The following ITPR1 variants were observed in gnomAD, a reference collection of about 807,000 sequenced individuals.
ITPR1 encodes inositol 1,4,5-trisphosphate receptor type 1.
A neutral mutation model predicts 318.4 loss-of-function variants in ITPR1; 96 were observed. That is an observed-to-expected ratio of 0.30 (90% confidence interval 0.26 to 0.36). ITPR1 has a LOEUF of 0.36. Ranked by LOEUF, ITPR1 falls within the 10% of genes least tolerant of loss-of-function variation. The pLI is 1.00. For missense variants in ITPR1, 2,440 were observed against 3,460.2 expected, an observed-to-expected ratio of 0.71 and a Z score of 7.40; for synonymous variants, 1,312 against 1,289.9, an observed-to-expected ratio of 1.02 and a Z score of -0.37.
intron 60 of ITPR1, among the ~76,000 whole-genome samples, chr3:4,818,530 A>G (rs986816454): frequency 6.6e-5 from 10 of 152,212 alleles, no homozygotes; most frequent in African/African-American, 2.4e-4. Flanking sequence ...AATCTGGATC[A>G]AACTCCATAG....
chr3:4,742,926 A>G (rs978989746), intron 44 of ITPR1, among the ~76,000 whole-genome samples: 1 of 152,228 alleles, frequency 6.6e-6, no homozygotes. Context: ...AATTGACCCA[A>G]GTCCTTCTGA....
At chr3:4,583,105 A>G (rs996234442) in intron 4 of ITPR1, among the ~76,000 whole-genome samples, 11 of 152,202 alleles carry the variant, frequency 7.2e-5, no homozygotes, top group African/African-American at 2.7e-4. Context: ...AAATCAAGCC[A>G]TTTCTCCTAT....
chr3:4,599,968 C>T (rs1222439526), intron 4 of ITPR1, among the ~76,000 whole-genome samples: 1 of 152,138 alleles, frequency 6.6e-6, no homozygotes, highest in East Asian at 1.9e-4. Flanking sequence ...ATTGGTTGTC[C>T]CTACTCCCTC....
At position 4,757,564 on chromosome 3, in the gene ITPR1, G is replaced by C. The variant is rs551214321; in HGVS notation, c.5545-8966G>C. Among the ~76,000 whole-genome samples, 7 of 152,256 alleles carry C rather than the reference G, an allele frequency of 4.6e-5. No homozygotes were observed. The East Asian group carries it at 1.4e-3, about 29-fold the overall frequency. ...GAGGTGTTTAACAGAGCATGTGGTT[G>C]GGAACAGGGCTGAGGCGTCGGACAG... On this transcript the variant is annotated intron_variant, in intron 44 of 61. Transcript: ENST00000649015.
intron 31 of ITPR1, 36 bp from the exon 32 acceptor site, chr3:4,691,108 C>G (rs768206660): frequency 2.7e-6 from 4 of 1,467,942 alleles, no homozygotes; most frequent in African/African-American, 1.4e-5. Context: ...AGCTTTTTGA[C>G]TTGTCCCTGT....
At chr3:4,789,389 C>T (rs2047407652) in intron 52 of ITPR1, among the ~76,000 whole-genome samples, 1 of 152,316 alleles carries the variant, frequency 6.6e-6, no homozygotes, top group African/African-American at 2.4e-5. Flanking sequence ...CTCCAGGATC[C>T]TCATGAACAT....
At chr3:4,601,181 T>TTG (rs1559515266) in intron 4 of ITPR1, among the ~76,000 whole-genome samples, 1 of 148,674 alleles carries the variant, frequency 6.7e-6, no homozygotes, top group Admixed American at 6.7e-5. Context: ...TATTCTTTTT[T>TTG]TTTTTTTTTT....
rs928926740 is a variant in ITPR1 at position 4,656,177 on chromosome 3, C to T, written c.997-1947C>T. Among the ~76,000 whole-genome samples the T allele has an allele frequency of 3.9e-5, 6 of 152,150 alleles. No individual in the cohort carries two copies. The East Asian group carries it at 9.6e-4, about 24-fold the overall frequency. On this transcript the variant is annotated intron_variant, in intron 12 of 61. Transcript: ENST00000649015. ...TTTCTTTCCACTAGGTGGCAAGCGC[C>T]GACTGCACAATGAAAGGATGTCAGG...
intron 60 of ITPR1, among the ~76,000 whole-genome samples, chr3:4,830,435 T>A (rs983851842): frequency 7.9e-5 from 12 of 152,188 alleles, no homozygotes; most frequent in Admixed American, 1.3e-4. Context: ...GACTAATTTT[T>A]TTTTCTTCCT....
chr3:4,723,416 G>C (rs1409502184), intron 40 of ITPR1, among the ~76,000 whole-genome samples: 1 of 152,206 alleles, frequency 6.6e-6, no homozygotes, highest in East Asian at 1.9e-4. Flanking sequence ...AAACGGCTTC[G>C]TAAAATTTTC....
intron 42 of ITPR1, among the ~76,000 whole-genome samples, chr3:4,732,392 A>G (rs58824241): frequency 6.6e-6 from 1 of 151,894 alleles, no homozygotes; most frequent in Non-Finnish European, 1.5e-5. Flanking sequence ...GCTCATGCCC[A>G]CTCTTGTCTC....
intron 6 of ITPR1, among the ~76,000 whole-genome samples, chr3:4,640,034 C>T (rs2093301698): frequency 6.6e-6 from 1 of 152,170 alleles, no homozygotes. Flanking sequence ...CCAGGAAAAG[C>T]TAAACAGGTT....
intron 35 of ITPR1, among the ~76,000 whole-genome samples, chr3:4,701,676 G>T (rs2094655534): frequency 6.6e-6 from 1 of 152,086 alleles, no homozygotes; most frequent in South Asian, 2.1e-4. Context: ...TTTTCTTTTG[G>T]ATAATTTCTT....
In ITPR1 at chr3:4,702,899, C is replaced by A. The variant is rs890283768; in HGVS notation, c.4606C>A (p.Pro1536Thr). 3 of 1,613,912 alleles carry A rather than the reference C, an allele frequency of 1.9e-6. No individual in the cohort carries two copies. The highest frequency in any genetic ancestry group is 4.5e-5 in the East Asian group (2 of 44,888). Residue 1536 changes from proline (P) to threonine (T), a missense_variant, in exon 36 of 62, where the codon CCA (proline) becomes ACA (threonine). Physicochemically the swap from Pro to Thr is conservative, Grantham distance 38. Coordinates refer to ENST00000649015, the MANE Select transcript of ITPR1 (RefSeq NM_001378452.1). ...FRVYHCNWLM[P>T]SQKASVESCI... ...GGTTTACCACTGCAACTGGTTAATGCCAAGCCAAAAAGCCTCCGTGGAGAG... is the reference window on the plus strand; with the variant it reads ...GGTTTACCACTGCAACTGGTTAATGACAAGCCAAAAAGCCTCCGTGGAGAG...
At chr3:4,778,015 ACT>A (rs369348247) in intron 48 of ITPR1, among the ~76,000 whole-genome samples, 13 of 152,068 alleles carry the variant, frequency 8.5e-5, no homozygotes, top group African/African-American at 3.1e-4. Context: ...TGACATTTGG[ACT>A]CTCTATTACT....
intron 5 of ITPR1, among the ~76,000 whole-genome samples, chr3:4,633,729 A>G (rs1194419917): frequency 6.6e-6 from 1 of 152,222 alleles, no homozygotes; most frequent in African/African-American, 2.4e-5. Flanking sequence ...GGCCATTACT[A>G]CTGTTTTCTG....
At chr3:4,811,895 G>C (rs1043482302) in intron 56 of ITPR1, among the ~76,000 whole-genome samples, 1 of 152,152 alleles carries the variant, frequency 6.6e-6, no homozygotes, top group Non-Finnish European at 1.5e-5. Context: ...GTAAATGTTC[G>C]GGGGTGTTTC....
Position 4,564,637 on chromosome 3 carries a change from A to T in ITPR1, c.163+43543A>T, listed in dbSNP as rs2087030271. On this transcript the variant is annotated intron_variant, in intron 4 of 61. Transcript: ENST00000649015. Reference sequence around the variant, plus strand: ...CCCTTGTTCCTCCCACCATGGGAGGACACAGCAAGAAGGTGCCATCTGTGA... The same window carrying T: ...CCCTTGTTCCTCCCACCATGGGAGGTCACAGCAAGAAGGTGCCATCTGTGA... 2.6e-5 allele frequency among the ~76,000 whole-genome samples: 4 copies of T among 152,140 alleles called. No individual in the cohort carries two copies. In the South Asian group the frequency reaches 6.2e-4, roughly 24 times the overall value.
At chr3:4,716,465 T>G (rs2041771668) in intron 39 of ITPR1, among the ~76,000 whole-genome samples, 1 of 152,348 alleles carries the variant, frequency 6.6e-6, no homozygotes, top group Non-Finnish European at 1.5e-5. Context: ...AGAATGTATT[T>G]AAAATCCATT....
Sources: allele counts gnomAD v4.1 joint callset (sites outside exome capture counted in the v4.1 genomes callset), GRCh38; gene constraint gnomAD v4.1.1; transcripts MANE v1.5; gene names NCBI Gene and HGNC (gene_info 2026-07-23, HGNC 2026-07-21).